Variants in PTPRD observed in about 807,000 individuals in gnomAD.
The protein encoded by PTPRD is receptor-type tyrosine-protein phosphatase delta.
In PTPRD, 34 loss-of-function variants were observed where a neutral mutation model predicts 214.5. The ratio of observed to expected loss-of-function variants is 0.16; its 90% CI spans 0.12 to 0.21. The LOEUF (loss-of-function observed/expected upper bound fraction) is 0.21. PTPRD is among the 10% of genes least tolerant of loss of function. The probability of loss-of-function intolerance (pLI) is 1.00; values close to 1 mark genes in which losing one functional copy is unlikely to be tolerated. For synonymous variants in PTPRD, 1,128 were observed against 845.7 expected (o/e 1.33, Z -5.79); for missense variants, 2,545 against 2,398.7 (o/e 1.06, Z -1.27).
intron 5 of PTPRD, among the ~76,000 whole-genome samples, chr9:9,876,833 A>T (rs1282216546): frequency 6.6e-6 from 1 of 152,210 alleles, no homozygotes; most frequent in Non-Finnish European, 1.5e-5. Flanking sequence ...ATTAAGGATG[A>T]CTTTAAGTCA....
At chr9:8,749,601 T>C (rs994302647) in intron 11 of PTPRD, among the ~76,000 whole-genome samples, 2 of 152,210 alleles carry the variant, frequency 1.3e-5, no homozygotes, top group Admixed American at 1.3e-4. Flanking sequence ...AGACATATTA[T>C]AACACATAGA....
intron 11 of PTPRD, among the ~76,000 whole-genome samples, chr9:8,830,580 C>G (rs2097267296): frequency 6.6e-6 from 1 of 152,086 alleles, no homozygotes; most frequent in Non-Finnish European, 1.5e-5. Flanking sequence ...ATGATCATCT[C>G]AAAACTCCTT....
At chr9:10,464,246 T>C (rs2098978250) in intron 2 of PTPRD, among the ~76,000 whole-genome samples, 1 of 151,692 alleles carries the variant, frequency 6.6e-6, no homozygotes, top group Admixed American at 6.6e-5. Context: ...AAAAAAAAAT[T>C]TTAAATGCAA....
rs201420221 is a variant in PTPRD at position 9,741,701 on chromosome 9, CA to C, written c.-325-7131del. ...GTTCCCACCTATGAGTGAGAATATG[CA>C]GTGTTTGGTTTTCTTTTCCTGTGTT... is the stretch of plus-strand genomic sequence containing the variant. On this transcript the variant is annotated intron_variant, in intron 6 of 45. Coordinates refer to ENST00000381196, the MANE Select transcript of PTPRD (RefSeq NM_002839.4). Among the ~76,000 whole-genome samples the C allele has an allele frequency of 7.6e-3, 1,153 of 152,258 alleles. 2 individuals are homozygous for C. Among genetic ancestry groups the C allele is most frequent in the Non-Finnish European group, 0.012 (813 of 68,026 alleles).
intron 2 of PTPRD, among the ~76,000 whole-genome samples, chr9:10,496,920 G>C (rs1047713971): frequency 1.3e-5 from 2 of 151,862 alleles, no homozygotes; most frequent in South Asian, 2.1e-4. Context: ...TGTTTACTTT[G>C]TTGATAGTTT....
At chr9:8,920,595 A>G (rs769993439) in intron 11 of PTPRD, among the ~76,000 whole-genome samples, 10 of 152,266 alleles carry the variant, frequency 6.6e-5, no homozygotes, top group South Asian at 2.1e-4. Flanking sequence ...AAAACAAAAA[A>G]TTGCAAAAAA....
intron 4 of PTPRD, among the ~76,000 whole-genome samples, chr9:10,027,152 G>A (rs1303582404): frequency 6.6e-6 from 1 of 152,154 alleles, no homozygotes. Flanking sequence ...GGGGGGAAAT[G>A]TCTGCTATAA....
intron 13 of PTPRD, among the ~76,000 whole-genome samples, chr9:8,633,957 T>G (rs929944938): frequency 1.1e-4 from 16 of 152,072 alleles, no homozygotes; most frequent in Middle Eastern, 3.4e-3. Context: ...CGAAAAGAAA[T>G]TGCATAAATC....
chr9:10,436,934 C>T (rs1196944610), intron 2 of PTPRD, among the ~76,000 whole-genome samples: 1 of 151,760 alleles, frequency 6.6e-6, no homozygotes, highest in Non-Finnish European at 1.5e-5. Flanking sequence ...TGCAAGATGT[C>T]CACTTACATG....
chr9:10,601,561 G>T (rs1187376635), intron 2 of PTPRD, among the ~76,000 whole-genome samples: 3 of 151,580 alleles, frequency 2.0e-5, no homozygotes, highest in African/African-American at 4.8e-5. Flanking sequence ...TGCATATAAT[G>T]ATTATATTAA....
intron 3 of PTPRD, among the ~76,000 whole-genome samples, chr9:10,221,976 A>G (rs2099572756): frequency 6.6e-6 from 1 of 151,962 alleles, no homozygotes; most frequent in Admixed American, 6.6e-5. Context: ...TTGCTCTTCA[A>G]CAGAACAAAC....
At chr9:8,335,098 A>AAAC (rs1388391299) in intron 43 of PTPRD, among the ~76,000 whole-genome samples, 1 of 147,138 alleles carries the variant, frequency 6.8e-6, no homozygotes, top group Non-Finnish European at 1.5e-5. Flanking sequence ...ATTCCTTCTG[A>AAAC]AACTATTCCA....
intron 6 of PTPRD, among the ~76,000 whole-genome samples, chr9:9,750,639 G>C (rs750186537): frequency 4.6e-5 from 7 of 152,126 alleles, no homozygotes; most frequent in Admixed American, 1.3e-4. Flanking sequence ...GGGTATGTGT[G>C]TGTGTGCATA....
chr9:9,237,355 A>C (rs1295950011), intron 9 of PTPRD, among the ~76,000 whole-genome samples: 1 of 152,108 alleles, frequency 6.6e-6, no homozygotes, highest in Non-Finnish European at 1.5e-5. Flanking sequence ...ACTGGAGCCC[A>C]GGAATTTAAG....
At chr9:10,121,424 G>A (rs944324293) in intron 3 of PTPRD, among the ~76,000 whole-genome samples, 3 of 152,074 alleles carry the variant, frequency 2.0e-5, no homozygotes, top group Non-Finnish European at 4.4e-5. Context: ...AATTGATGTG[G>A]CCAAAAGTGT....
chr9:10,504,960 A>G (rs977348753), intron 2 of PTPRD, among the ~76,000 whole-genome samples: 3 of 152,164 alleles, frequency 2.0e-5, no homozygotes, highest in African/African-American at 4.8e-5. Context: ...TGTATCTGCT[A>G]CAACATTGGC....
chr9:8,812,340 A>G (rs2096826165), intron 11 of PTPRD, among the ~76,000 whole-genome samples: 1 of 152,240 alleles, frequency 6.6e-6, no homozygotes, highest in Admixed American at 6.5e-5. Flanking sequence ...GTTCTTATAG[A>G]AAATAATGTC....
intron 39 of PTPRD, among the ~76,000 whole-genome samples, chr9:8,366,183 T>C (rs984258380): frequency 1.3e-5 from 2 of 152,228 alleles, no homozygotes; most frequent in East Asian, 1.9e-4. Flanking sequence ...TCCTCTCCCT[T>C]TCAGACATTA....
intron 11 of PTPRD, among the ~76,000 whole-genome samples, chr9:8,743,599 A>G (rs1005501828): frequency 1.3e-5 from 2 of 152,126 alleles, no homozygotes; most frequent in Non-Finnish European, 2.9e-5. Context: ...ACACAAATCG[A>G]CTGAAGATGA....
Sources: gnomAD v4.1 joint callset for allele counts (sites outside exome capture counted in the v4.1 genomes callset) on GRCh38, gnomAD v4.1.1 for gene constraint, MANE v1.5 for transcripts, NCBI Gene and HGNC (gene_info 2026-07-23, HGNC 2026-07-21) for gene names.